Variants in TOLLIP observed in about 807,000 individuals in gnomAD.
TOLLIP encodes the protein toll interacting protein, also known as toll-interacting protein.
TOLLIP carries 16 observed loss-of-function variants against 33.5 expected under a neutral mutation model. That is an observed-to-expected ratio of 0.48 (90% CI 0.32 to 0.72). The LOEUF (loss-of-function observed/expected upper bound fraction) is 0.72. Ranked by LOEUF, TOLLIP falls within the 30% of genes least tolerant of loss-of-function variation. TOLLIP has a pLI of 0.03. For missense variants in TOLLIP, 325 were observed against 396.6 expected (o/e 0.82, Z 1.53); for synonymous variants, 176 against 163.7 (o/e 1.07, Z -0.57).
intron 1 of TOLLIP, among the ~76,000 whole-genome samples, chr11:1,304,001 A>C (rs1427727734): frequency 6.8e-6 from 1 of 146,626 alleles, no homozygotes; most frequent in Non-Finnish European, 1.5e-5. Flanking sequence ...GTGCCACTGC[A>C]CTCCAGCCTG....
intron 5 of TOLLIP, among the ~76,000 whole-genome samples, chr11:1,281,691 CCCTG>C (rs905838547): frequency 3.3e-5 from 5 of 152,260 alleles, no homozygotes; most frequent in Admixed American, 2.0e-4. Context: ...GGCCAGGCCG[CCCTG>C]CGTGCACACA....
At chr11:1,295,878 C>T (rs893594325) in intron 1 of TOLLIP, 84 bp from the exon 2 acceptor site, 18 of 1,453,998 alleles carry the variant, frequency 1.2e-5, no homozygotes, top group South Asian at 9.6e-5. Context: ...GGCATTCCCG[C>T]GGCCCCGCCC....
intron 5 of TOLLIP, among the ~76,000 whole-genome samples, chr11:1,282,213 C>T (rs977068671): frequency 3.9e-5 from 6 of 152,214 alleles, no homozygotes; most frequent in South Asian, 2.1e-4. Flanking sequence ...AGGGAGGGGC[C>T]CAGAGAAGGA....
In TOLLIP at chr11:1,276,124, T is replaced by C. The variant is rs899420119; in HGVS notation, c.*915A>G. On this transcript the variant is annotated 3_prime_UTR_variant, in exon 6 of 6. Coordinates refer to ENST00000317204, the MANE Select transcript of TOLLIP (RefSeq NM_019009.4). ...CCTCGCCCACGCTGAACCCACGTCC[T>C]GGGCACAGCAGCTCCCAAGCTGTCA... 1 of 152,712 alleles carries C rather than the reference T, an allele frequency of 6.5e-6. No individual in the cohort carries two copies. The highest frequency in any genetic ancestry group is 1.9e-4 in the East Asian group (1 of 5,196). The allele number at this position is 152,712 out of a possible 1,614,324, so 9.5% of individuals were successfully genotyped here.
chr11:1,280,498 C>T (rs532430580), intron 5 of TOLLIP, among the ~76,000 whole-genome samples: 3 of 152,050 alleles, frequency 2.0e-5, no homozygotes, highest in African/African-American at 7.2e-5. Flanking sequence ...GGGACTGCGC[C>T]GGTGAGGACG....
intron 4 of TOLLIP, 148 bp downstream of exon 4, chr11:1,288,476 C>T (rs746435542): frequency 6.0e-5 from 59 of 990,196 alleles, no homozygotes; most frequent in Middle Eastern, 6.6e-4. Flanking sequence ...ACCCAGGGCC[C>T]CTGCCCTCTG....
intron 2 of TOLLIP, among the ~76,000 whole-genome samples, chr11:1,292,854 G>A (rs968532887): frequency 6.6e-6 from 1 of 152,276 alleles, no homozygotes; most frequent in Non-Finnish European, 1.5e-5. Flanking sequence ...GACCGGGTAT[G>A]CGGGCTGCAG....
intron 5 of TOLLIP, chr11:1,283,680 G>A (rs1277642416): frequency 2.4e-6 from 1 of 419,572 alleles, no homozygotes; most frequent in East Asian, 7.1e-5. Context: ...TCTACAAAGA[G>A]AATTAGGGAT....
At chr11:1,308,014 G>A (rs757867155) in intron 1 of TOLLIP, among the ~76,000 whole-genome samples, 65 of 152,352 alleles carry the variant, frequency 4.3e-4, no homozygotes, top group East Asian at 1.3e-3. Context: ...TGGGCTGCGC[G>A]AGGGCAGGGA....
chr11:1,299,557 T>C (rs368338912), intron 1 of TOLLIP, among the ~76,000 whole-genome samples: 2 of 152,344 alleles, frequency 1.3e-5, no homozygotes, highest in African/African-American at 4.8e-5. Flanking sequence ...GGAGGAACTA[T>C]TTCAATGGTC....
intron 2 of TOLLIP, 200 bp downstream of exon 2, chr11:1,295,440 CTTGAG>C (rs1864083201): frequency 3.4e-6 from 2 of 582,406 alleles, no homozygotes; most frequent in Non-Finnish European, 5.7e-6. Context: ...CTACTCATCA[CTTGAG>C]TTATGTTTGG....
rs1332583148 is a variant in TOLLIP at position 1,274,389 on chromosome 11, A to C, written c.*2650T>G. The C allele has an allele frequency of 6.6e-6, 1 of 152,240 alleles. No homozygotes were observed. Among genetic ancestry groups the C allele is most frequent in the Non-Finnish European group, 1.5e-5 (1 of 68,034 alleles). 9.4% of individuals were successfully genotyped at this position (152,240 alleles called of 1,614,324 possible). A position where few individuals can be genotyped will look rare whatever the true frequency, so the allele number is the denominator to read the frequency against. On this transcript the variant is annotated 3_prime_UTR_variant, in exon 6 of 6. Transcript: ENST00000317204. ...AACATGGTAAACCTTCCCTTAAAGGACTTTATTTCTCTATTTTTATATGGA... is the reference window on the plus strand; with the variant it reads ...AACATGGTAAACCTTCCCTTAAAGGCCTTTATTTCTCTATTTTTATATGGA...
At chr11:1,279,313 C>T (rs1324113020) in intron 5 of TOLLIP, among the ~76,000 whole-genome samples, 1 of 152,248 alleles carries the variant, frequency 6.6e-6, no homozygotes, top group African/African-American at 2.4e-5. Context: ...AGTGGCCTGG[C>T]TCACTCCCCT....
At position 1,276,823 on chromosome 11, in the gene TOLLIP, C is replaced by G. The variant is rs1413992509; in HGVS notation, c.*216G>C. 6.5e-7 allele frequency: 1 copy of G among 1,529,972 alleles called. No individual in the cohort carries two copies. The highest frequency in any genetic ancestry group is 1.4e-5 in the African/African-American group (1 of 72,944). The allele number at this position is 1,529,972 out of a possible 1,614,324, so 94.8% of individuals were successfully genotyped here. On this transcript the variant is annotated 3_prime_UTR_variant, in exon 6 of 6. Coordinates refer to ENST00000317204, the MANE Select transcript of TOLLIP (RefSeq NM_019009.4). ...GAGAGCGCGCTGAGACCTCCCAGCA[C>G]GAGATGGGAGGGGAGCCCCCGCCCC...
At chr11:1,306,177 C>T (rs563445811) in intron 1 of TOLLIP, 7 of 152,292 alleles carry the variant, frequency 4.6e-5, no homozygotes, top group African/African-American at 1.7e-4. Flanking sequence ...TGAAGCATCC[C>T]TTAGTGGCTA....
intron 4 of TOLLIP, 22 bp from the exon 5 acceptor site, chr11:1,286,114 C>T: frequency 1.9e-6 from 3 of 1,567,436 alleles, no homozygotes; most frequent in Non-Finnish European, 2.6e-6. Context: ...CGGAGATGGT[C>T]CCGGGGTCAA....
chr11:1,276,993 C>T lies in TOLLIP; in HGVS notation c.*46G>A, dbSNP rs769583601. ...CAGCATTCCTTGGGGAGCGCCGGGT[C>T]GGCGTGTCCAAAGAGCGGGGGCAAA... On this transcript the variant is annotated 3_prime_UTR_variant, in exon 6 of 6. Transcript: ENST00000317204. 44 of 1,599,076 alleles carry T rather than the reference C, an allele frequency of 2.8e-5. No homozygotes were observed. Among genetic ancestry groups the T allele is most frequent in the South Asian group, 1.8e-4 (16 of 90,004 alleles).
chr11:1,301,395 GC>G (rs1274530266), intron 1 of TOLLIP, among the ~76,000 whole-genome samples: 69 of 152,204 alleles, frequency 4.5e-4, no homozygotes, highest in African/African-American at 1.5e-3. Context: ...ATCCGCAGGC[GC>G]CTGCCCACCC....
intron 2 of TOLLIP, among the ~76,000 whole-genome samples, chr11:1,294,034 G>A (rs543555900): frequency 6.6e-6 from 1 of 152,270 alleles, no homozygotes; most frequent in Non-Finnish European, 1.5e-5. Context: ...TCTTCTGCCT[G>A]CTGTATTTGT....
Sources: allele counts gnomAD v4.1 joint callset (sites outside exome capture counted in the v4.1 genomes callset), GRCh38; gene constraint gnomAD v4.1.1; transcripts MANE v1.5; gene names NCBI Gene and HGNC (gene_info 2026-07-23, HGNC 2026-07-21).